The following KCNH1 variants were observed in gnomAD, a reference collection of about 807,000 sequenced individuals.
KCNH1 encodes voltage-gated delayed rectifier potassium channel KCNH1.
In KCNH1, 27 loss-of-function variants were observed where a neutral mutation model predicts 69.2. The ratio of observed to expected loss-of-function variants is 0.39; its 90% CI spans 0.29 to 0.54. KCNH1 has a LOEUF of 0.54. Ranked by LOEUF, KCNH1 falls within the 20% of genes least tolerant of loss-of-function variation. The pLI is 0.68. For missense variants in KCNH1, 798 were observed against 1,261.6 expected (o/e 0.63, Z 5.57); for synonymous variants, 456 against 487.7 (o/e 0.93, Z 0.86).
chr1:211,009,991 T>C (rs1689364006), intron 6 of KCNH1, among the ~76,000 whole-genome samples: 1 of 152,156 alleles, frequency 6.6e-6, no homozygotes, highest in African/African-American at 2.4e-5. Flanking sequence ...GTGTTGTCAG[T>C]CTGAGGAGAG....
At chr1:211,117,023 T>G (rs958839480) in intron 1 of KCNH1, among the ~76,000 whole-genome samples, 1 of 152,180 alleles carries the variant, frequency 6.6e-6, no homozygotes, top group African/African-American at 2.4e-5. Context: ...CCTCCAAGAT[T>G]CCAAGGGTAT....
At chr1:211,113,995 CACACACACAT>C (rs1446060210) in intron 1 of KCNH1, among the ~76,000 whole-genome samples, 18 of 150,528 alleles carry the variant, frequency 1.2e-4, no homozygotes, top group East Asian at 1.9e-4. Context: ...CACACACACA[CACACACACAT>C]ACACACACAC....
chr1:210,938,401 T>C (rs1458839759), intron 6 of KCNH1, among the ~76,000 whole-genome samples: 1 of 152,244 alleles, frequency 6.6e-6, no homozygotes, highest in African/African-American at 2.4e-5. Flanking sequence ...CTTTTGAATA[T>C]TGTGCCATGT....
At chr1:211,064,376 C>T (rs759472627) in intron 5 of KCNH1, among the ~76,000 whole-genome samples, 16 of 152,024 alleles carry the variant, frequency 1.1e-4, no homozygotes, top group Non-Finnish European at 1.3e-4. Context: ...CTGGCTAATA[C>T]GGTGAAACCC....
intron 9 of KCNH1, among the ~76,000 whole-genome samples, chr1:210,792,767 C>T (rs1163157132): frequency 1.3e-5 from 2 of 150,966 alleles, no homozygotes; most frequent in Non-Finnish European, 3.0e-5. Flanking sequence ...AAATGCAAAA[C>T]CCATAAACAT....
intron 10 of KCNH1, among the ~76,000 whole-genome samples, chr1:210,751,959 C>T (rs1020259681): frequency 1.3e-5 from 2 of 152,022 alleles, no homozygotes; most frequent in Admixed American, 1.3e-4. Flanking sequence ...CTGAGGAAGG[C>T]TGCAAGCAGA....
intron 10 of KCNH1, among the ~76,000 whole-genome samples, chr1:210,743,023 G>C (rs1643264817): frequency 6.6e-6 from 1 of 152,114 alleles, no homozygotes; most frequent in Non-Finnish European, 1.5e-5. Context: ...AATAAATTAA[G>C]AATCAAGGAA....
intron 2 of KCNH1, among the ~76,000 whole-genome samples, chr1:211,105,581 G>A (rs977593897): frequency 2.0e-5 from 3 of 152,084 alleles, no homozygotes; most frequent in South Asian, 2.1e-4. Flanking sequence ...GATACCTTCG[G>A]GTAATTCAAT....
At chr1:210,803,320 T>C (rs1165184371) in intron 8 of KCNH1, among the ~76,000 whole-genome samples, 1 of 152,142 alleles carries the variant, frequency 6.6e-6, no homozygotes, top group African/African-American at 2.4e-5. Context: ...CAGGCTGGTC[T>C]CAAACTCCTG....
chr1:210,920,029 A>G lies in KCNH1; in HGVS notation c.1073T>C (p.Leu358Pro). Residue 358 changes from leucine (L) to proline (P), a missense_variant, in exon 7 of 11, where the codon CTG (leucine) becomes CCG (proline). Physicochemically the swap from Leu to Pro is moderately conservative, Grantham distance 98. Around this residue, in one of 4 missense-constraint regions of KCNH1, gnomAD observed 266 missense variants for 457.2 expected, o/e 0.58. Transcript: ENST00000271751. The part of the protein sequence containing the change: ...SLFSSLKVVR[L>P]LRLGRVARKL... ...ACGGGCCACTCGCCCAAGACGGAGC[A>G]GCCGGACAACTTTTAGAGAGCTGAA... 6.2e-7 allele frequency: 1 copy of G among 1,614,174 alleles called. No individual in the cohort carries two copies. The highest frequency in any genetic ancestry group is 8.5e-7 in the Non-Finnish European group (1 of 1,180,016).
intron 5 of KCNH1, among the ~76,000 whole-genome samples, chr1:211,079,153 G>A (rs1183010153): frequency 6.6e-6 from 1 of 152,118 alleles, no homozygotes; most frequent in Non-Finnish European, 1.5e-5. Context: ...CAATCCCACA[G>A]AAATACAAAC....
intron 7 of KCNH1, among the ~76,000 whole-genome samples, chr1:210,868,503 T>C (rs1686165268): frequency 6.6e-6 from 1 of 152,024 alleles, no homozygotes; most frequent in African/African-American, 2.4e-5. Context: ...ACTTCTAGTT[T>C]TACAGTTTTA....
chr1:210,870,203 A>G (rs1414116281), intron 7 of KCNH1, among the ~76,000 whole-genome samples: 3 of 152,144 alleles, frequency 2.0e-5, no homozygotes, highest in Non-Finnish European at 4.4e-5. Flanking sequence ...CAGTAAGAGA[A>G]TAAGTCCAAC....
chr1:210,861,648 T>A, intron 7 of KCNH1: 1 of 771,474 alleles, frequency 1.3e-6, no homozygotes, highest in Non-Finnish European at 2.4e-6. Context: ...GAGCATAGAG[T>A]ATATACTGAA....
At chr1:210,797,102 A>G (rs1051193564) in intron 9 of KCNH1, among the ~76,000 whole-genome samples, 89 of 146,316 alleles carry the variant, frequency 6.1e-4, no homozygotes, top group African/African-American at 2.1e-3. Flanking sequence ...GACACATGCT[A>G]TCCCCTCTTT....
At chr1:210,996,051 C>T (rs544130711) in intron 6 of KCNH1, among the ~76,000 whole-genome samples, 5 of 152,232 alleles carry the variant, frequency 3.3e-5, no homozygotes, top group South Asian at 4.1e-4. Context: ...CAGCTCCCAG[C>T]GTGAGCGACG....
chr1:210,754,748 C>G (rs1339763115), intron 10 of KCNH1, among the ~76,000 whole-genome samples: 1 of 152,006 alleles, frequency 6.6e-6, no homozygotes, highest in Non-Finnish European at 1.5e-5. Context: ...CCTGCAGAAC[C>G]ATGAGCTAAT....
intron 10 of KCNH1, among the ~76,000 whole-genome samples, chr1:210,721,800 AAAATAAAT>A (rs71728390): frequency 0.21 from 31,773 of 151,102 alleles, 4,119 homozygotes; most frequent in African/African-American, 0.37. Context: ...AAGTATAATA[AAAATAAAT>A]AAATAAATAA....
intron 6 of KCNH1, among the ~76,000 whole-genome samples, chr1:211,009,356 T>G (rs1689351391): frequency 6.6e-6 from 1 of 152,144 alleles, no homozygotes; most frequent in Non-Finnish European, 1.5e-5. Flanking sequence ...TACAGAGAAC[T>G]CTTTCTAGGA....
Sources: allele counts gnomAD v4.1 joint callset (sites outside exome capture counted in the v4.1 genomes callset), GRCh38; gene constraint gnomAD v4.1.1; regional missense constraint gnomAD v4.1.1; transcripts MANE v1.5; gene names NCBI Gene and HGNC (gene_info 2026-07-23, HGNC 2026-07-21).